SELENOT: variants seen among roughly 807,000 people sequenced by gnomAD.
SELENOT encodes selenoprotein T.
A neutral mutation model predicts 24.3 loss-of-function variants in SELENOT; 9 were observed. That is an observed-to-expected ratio of 0.37 (90% CI 0.22 to 0.65). SELENOT has a LOEUF of 0.65. Among genes scored for constraint, SELENOT ranks in the 30% least tolerant of loss-of-function variants. The pLI is 0.60. For missense variants in SELENOT, 166 were observed against 247.6 expected, an observed-to-expected ratio of 0.67 and a Z score of 2.21; for synonymous variants, 81 against 86.0, an observed-to-expected ratio of 0.94 and a Z score of 0.32.
chr3:150,614,119 G>A (rs185951693), intron 1 of SELENOT, among the ~76,000 whole-genome samples: 5 of 152,174 alleles, frequency 3.3e-5, no homozygotes, highest in African/African-American at 4.8e-5. Context: ...GCTTATAGAC[G>A]CTGTTATAAT....
intron 1 of SELENOT, among the ~76,000 whole-genome samples, chr3:150,612,105 T>G (rs1726109306): frequency 6.6e-6 from 1 of 151,962 alleles, no homozygotes; most frequent in African/African-American, 2.4e-5. Flanking sequence ...CAGCTTTTTT[T>G]TTTTTTGAGA....
chr3:150,609,806 A>G (rs762495521), intron 1 of SELENOT, among the ~76,000 whole-genome samples: 8 of 152,224 alleles, frequency 5.3e-5, no homozygotes, highest in Non-Finnish European at 1.2e-4. Context: ...AATTTTCCTG[A>G]AGCAGAGTTT....
At chr3:150,611,580 A>G in intron 1 of SELENOT, 1 of 1,286,088 alleles carries the variant, frequency 7.8e-7, no homozygotes, top group Admixed American at 1.7e-5. Context: ...AGTTTTTATG[A>G]TAATCACATA....
At chr3:150,620,340 AACTT>A (rs1349693582) in intron 1 of SELENOT, among the ~76,000 whole-genome samples, 1 of 152,282 alleles carries the variant, frequency 6.6e-6, no homozygotes, top group East Asian at 1.9e-4. Context: ...GGACAAAGGG[AACTT>A]ACTTCCTGGA....
At chr3:150,611,916 C>T in intron 1 of SELENOT, 3 of 982,940 alleles carry the variant, frequency 3.1e-6, no homozygotes, top group Non-Finnish European at 4.5e-6. Flanking sequence ...ACAGAAATCC[C>T]CACTCTCCTG....
intron 1 of SELENOT, among the ~76,000 whole-genome samples, chr3:150,622,137 A>C (rs963242015): frequency 5.3e-5 from 8 of 152,054 alleles, no homozygotes; most frequent in Non-Finnish European, 1.5e-5. Context: ...AAACAAAAAA[A>C]TCAGGCCGCA....
intron 1 of SELENOT, among the ~76,000 whole-genome samples, chr3:150,620,633 C>T (rs1726322311): frequency 6.6e-6 from 1 of 152,102 alleles, no homozygotes; most frequent in Non-Finnish European, 1.5e-5. Flanking sequence ...TCATTTTTCC[C>T]CCGTTCATCT....
intron 1 of SELENOT, among the ~76,000 whole-genome samples, chr3:150,614,197 A>G (rs191189972): frequency 1.3e-5 from 2 of 152,356 alleles, no homozygotes; most frequent in Admixed American, 1.3e-4. Context: ...TATTCAAGTT[A>G]GCTGGCTATT....
At chr3:150,603,708 T>G in intron 1 of SELENOT, 1 of 538,366 alleles carries the variant, frequency 1.9e-6, no homozygotes, top group Admixed American at 3.6e-5. Flanking sequence ...CACTTGTTTT[T>G]TGCCTCCTAG....
rs1422155998 is a variant in SELENOT at position 150,629,731 on chromosome 3, C to T, written c.*2102C>T. ...TCATCTCTTTTGTCTTACGCTTAGC[C>T]ATATTTAAATCTTGAATTTAATAGA... On this transcript the variant is annotated 3_prime_UTR_variant, in exon 6 of 6. Coordinates refer to ENST00000471696, the MANE Select transcript of SELENOT (RefSeq NM_016275.5). 2 of 152,298 alleles carry T rather than the reference C, an allele frequency of 1.3e-5. No individual in the cohort carries two copies. The highest frequency in any genetic ancestry group is 2.4e-5 in the African/African-American group (1 of 41,330). 9.4% of individuals were successfully genotyped at this position (152,298 alleles called of 1,614,324 possible).
chr3:150,623,359 A>G (rs967803663), intron 3 of SELENOT, among the ~76,000 whole-genome samples, 190 bp downstream of exon 3: 7 of 152,256 alleles, frequency 4.6e-5, no homozygotes, highest in Non-Finnish European at 7.4e-5. Flanking sequence ...TGATATATTA[A>G]GAATGATTAG....
chr3:150,621,614 CTT>C (rs35489270), intron 1 of SELENOT, among the ~76,000 whole-genome samples: 10,684 of 80,244 alleles, frequency 0.13, 250 homozygotes, highest in Non-Finnish European at 0.18. Context: ...GGCATATTTC[CTT>C]TTTTTTTTTT....
At position 150,603,706 on chromosome 3, in the gene SELENOT, T is replaced by G. The variant is rs1576528272; in HGVS notation, c.137+207T>G. The G allele has an allele frequency of 7.4e-6, 4 of 543,112 alleles. No homozygotes were observed. The East Asian group carries it at 1.3e-4, about 18-fold the overall frequency. The allele number at this position is 543,112 out of a possible 1,614,324, so 33.6% of individuals were successfully genotyped here. On this transcript the variant is annotated intron_variant, in intron 1 of 5. Transcript: ENST00000471696. The stretch of plus-strand genomic sequence containing the variant: ...TTCCAGGTATAACTGCTCACTTGTT[T>G]TTTGCCTCCTAGAACAGTGGGAATG...
intron 1 of SELENOT, among the ~76,000 whole-genome samples, chr3:150,605,184 C>T (rs1431394475): frequency 2.0e-5 from 3 of 151,824 alleles, no homozygotes; most frequent in African/African-American, 4.8e-5. Flanking sequence ...ATCTTACTAA[C>T]CTAAAGATTG....
At chr3:150,611,013 G>C (rs915181008) in intron 1 of SELENOT, among the ~76,000 whole-genome samples, 1 of 151,334 alleles carries the variant, frequency 6.6e-6, no homozygotes, top group Non-Finnish European at 1.5e-5. Flanking sequence ...TCGTGTGTGT[G>C]TGTGTGTGTG....
intron 1 of SELENOT, among the ~76,000 whole-genome samples, chr3:150,614,972 G>A (rs1300494713): frequency 9.5e-5 from 14 of 148,054 alleles, no homozygotes; most frequent in East Asian, 4.1e-4. Flanking sequence ...CCACTAACTC[G>A]TCATCTAGCA....
Position 150,626,198 on chromosome 3 carries a change from A to G in SELENOT, c.464-812A>G, listed in dbSNP as rs183568708. The stretch of plus-strand genomic sequence containing the variant: ...CCTAAACAATAACTTTTTTAATGCA[A>G]ATTTTATCTTGCTGCTTGAGTGTTC... On this transcript the variant is annotated intron_variant, in intron 4 of 5. Coordinates refer to ENST00000471696, the MANE Select transcript of SELENOT (RefSeq NM_016275.5). 3.9e-5 allele frequency among the ~76,000 whole-genome samples: 6 copies of G among 152,208 alleles called. No homozygotes were observed. The East Asian group carries it at 1.2e-3, about 30-fold the overall frequency.
chr3:150,625,461 G>T lies in SELENOT; in HGVS notation c.463+562G>T, dbSNP rs575763509. Among the ~76,000 whole-genome samples, 3 of 151,816 alleles carry T rather than the reference G, an allele frequency of 2.0e-5. No homozygotes were observed. In the South Asian group the frequency reaches 6.2e-4, roughly 32 times the overall value. On this transcript the variant is annotated intron_variant, in intron 4 of 5. Transcript: ENST00000471696. ...TCTTCCCTAGTCCCCCTATTTTATG[G>T]ATTACCAAGTCTTCTCAGTTCCACC...
At chr3:150,613,041 G>T (rs997948207) in intron 1 of SELENOT, among the ~76,000 whole-genome samples, 1 of 152,166 alleles carries the variant, frequency 6.6e-6, no homozygotes, top group Non-Finnish European at 1.5e-5. Context: ...GAAAGAGTCC[G>T]AAAGATTTAA....
Sources: allele counts gnomAD v4.1 joint callset (sites outside exome capture counted in the v4.1 genomes callset), GRCh38; gene constraint gnomAD v4.1.1; transcripts MANE v1.5; gene names NCBI Gene and HGNC (gene_info 2026-07-23, HGNC 2026-07-21).